Variants in SMYD3 observed in about 807,000 individuals in gnomAD.
SMYD3 encodes the protein SET and MYND domain containing 3, also known as histone-lysine N-methyltransferase SMYD3.
In SMYD3, 36 loss-of-function variants were observed where a neutral mutation model predicts 57.7. The ratio of observed to expected loss-of-function variants is 0.62; its 90% CI spans 0.48 to 0.82. The LOEUF (loss-of-function observed/expected upper bound fraction) is 0.82. SMYD3 is among the 40% of genes least tolerant of loss of function. SMYD3 has a pLI of 0.00. For synonymous variants in SMYD3, 211 were observed against 195.0 expected (o/e 1.08, Z -0.68); for missense variants, 515 against 538.8 (o/e 0.96, Z 0.44).
chr1:246,304,806 C>T (rs2064953027), intron 5 of SMYD3, among the ~76,000 whole-genome samples: 1 of 152,166 alleles, frequency 6.6e-6, no homozygotes, highest in South Asian at 2.1e-4. Context: ...AAATTAATAA[C>T]TTCATATGTA....
rs1321354446 is a variant in SMYD3 at position 246,218,683 on chromosome 1, T to C, written c.531+108518A>G. Reference sequence around the variant, plus strand: ...AAGACTGGCTGACTGCTATGCAAGTTGTTTGTTTACTGTTATTTGTACCTT... The same window carrying C: ...AAGACTGGCTGACTGCTATGCAAGTCGTTTGTTTACTGTTATTTGTACCTT... On this transcript the variant is annotated intron_variant, in intron 5 of 11. Transcript: ENST00000490107. 4.6e-5 allele frequency among the ~76,000 whole-genome samples: 7 copies of C among 152,108 alleles called. No homozygotes were observed. The East Asian group carries it at 1.4e-3, about 29-fold the overall frequency.
intron 5 of SMYD3, among the ~76,000 whole-genome samples, chr1:246,172,320 G>A (rs2062352299): frequency 6.7e-6 from 1 of 148,612 alleles, no homozygotes; most frequent in South Asian, 2.2e-4. Context: ...GGCTACACAG[G>A]CCTAGAACAC....
chr1:246,348,789 TAA>T (rs2065770241), intron 2 of SMYD3, among the ~76,000 whole-genome samples: 2 of 19,918 alleles, frequency 1.0e-4, no homozygotes, highest in East Asian at 2.2e-3. Flanking sequence ...TTTGAAACAA[TAA>T]AAATAAATTT....
intron 5 of SMYD3, chr1:246,108,701 T>C (rs938152600): frequency 5.9e-5 from 9 of 152,248 alleles, no homozygotes; most frequent in African/African-American, 1.9e-4. Context: ...GTAGTTCCTG[T>C]TGTGTACGGG....
At chr1:246,332,520 A>C (rs973856310) in intron 3 of SMYD3, among the ~76,000 whole-genome samples, 2 of 152,250 alleles carry the variant, frequency 1.3e-5, no homozygotes, top group Non-Finnish European at 2.9e-5. Flanking sequence ...TAAAAGCACG[A>C]GGTGGCCAGG....
intron 7 of SMYD3, among the ~76,000 whole-genome samples, chr1:245,922,723 T>C (rs2147810894): frequency 6.6e-6 from 1 of 152,308 alleles, no homozygotes; most frequent in East Asian, 1.9e-4. Context: ...GGCACTGTCC[T>C]AGGTAAATAA....
chr1:245,888,627 T>C (rs2053212983), intron 8 of SMYD3, among the ~76,000 whole-genome samples: 1 of 152,224 alleles, frequency 6.6e-6, no homozygotes. Flanking sequence ...CTAATGTTTC[T>C]TCTAGCTATT....
chr1:245,871,424 G>A lies in SMYD3; in HGVS notation c.814-7538C>T, dbSNP rs879642455. On this transcript the variant is annotated intron_variant, in intron 8 of 11. Coordinates refer to ENST00000490107, the MANE Select transcript of SMYD3 (RefSeq NM_001167740.2). ...GGGAAAAGTGGCTCTTTCATAAAGC[G>A]GAAAAATAGTGGCTAAAAATAGAGC... Among the ~76,000 whole-genome samples the A allele has an allele frequency of 7.2e-5, 11 of 152,266 alleles. No homozygotes were observed. The South Asian group carries it at 1.0e-3, about 14-fold the overall frequency.
At chr1:246,277,270 C>T (rs2064352502) in intron 5 of SMYD3, among the ~76,000 whole-genome samples, 1 of 151,728 alleles carries the variant, frequency 6.6e-6, no homozygotes, top group Non-Finnish European at 1.5e-5. Flanking sequence ...AAACGCTCAA[C>T]ATCATTTATC....
intron 5 of SMYD3, among the ~76,000 whole-genome samples, chr1:245,933,488 T>C (rs534990103): frequency 6.6e-6 from 1 of 152,308 alleles, no homozygotes; most frequent in South Asian, 2.1e-4. Flanking sequence ...ATATATAATA[T>C]TATAGTTTTT....
intron 5 of SMYD3, among the ~76,000 whole-genome samples, chr1:246,285,426 C>G (rs944102967): frequency 6.6e-6 from 1 of 152,038 alleles, no homozygotes; most frequent in African/African-American, 2.4e-5. Flanking sequence ...TACAAACATG[C>G]GAGTGCAAGC....
chr1:246,273,224 A>G lies in SMYD3; in HGVS notation c.531+53977T>C, dbSNP rs557156208. ...GAGTGCAGAGGCACAACCTCGGCTC[A>G]CTACAGCCTCCGCCTCCCGGGTTCA... is the stretch of plus-strand genomic sequence containing the variant. On this transcript the variant is annotated intron_variant, in intron 5 of 11. Transcript: ENST00000490107. Among the ~76,000 whole-genome samples, 91 of 142,292 alleles carry G rather than the reference A, an allele frequency of 6.4e-4. 2 individuals carry two copies. The highest frequency in any genetic ancestry group is 2.3e-3 in the African/African-American group (89 of 38,178). The allele number at this position is 142,292 out of a possible 152,430, so 93.3% of individuals were successfully genotyped here.
Position 246,355,116 on chromosome 1 carries a change from C to T in SMYD3, c.165-22G>A. On this transcript the variant is annotated intron_variant, in intron 1 of 11. Coordinates refer to ENST00000490107, the MANE Select transcript of SMYD3 (RefSeq NM_001167740.2). This position sits in a 1 kb window ranked among gnomAD's most constrained non-coding sequence, Gnocchi z 5.0. Reference sequence around the variant, plus strand: ...CTTCCTGTGGGGAAAAAAATTAATTCTGCATTAAGAAATGAGTGGGAAACA... The same window carrying T: ...CTTCCTGTGGGGAAAAAAATTAATTTTGCATTAAGAAATGAGTGGGAAACA... 1 of 1,612,758 alleles carries T rather than the reference C, an allele frequency of 6.2e-7. No individual in the cohort carries two copies. Among genetic ancestry groups the T allele is most frequent in the Non-Finnish European group, 8.5e-7 (1 of 1,178,864 alleles).
chr1:246,440,584 C>T (rs2340778), intron 1 of SMYD3, among the ~76,000 whole-genome samples: 41,733 of 151,802 alleles, frequency 0.27, 6,575 homozygotes, highest in East Asian at 0.37. Context: ...ACTCTCTCTC[C>T]AAATCTAGAA....
chr1:246,000,837 CAGTG>C (rs947415218), intron 5 of SMYD3, among the ~76,000 whole-genome samples: 49 of 152,322 alleles, frequency 3.2e-4, no homozygotes, highest in African/African-American at 1.2e-3. Flanking sequence ...ACATATCTAT[CAGTG>C]AGTATTTGCT....
intron 5 of SMYD3, among the ~76,000 whole-genome samples, chr1:245,991,049 G>T (rs1300091732): frequency 1.3e-5 from 2 of 152,184 alleles, no homozygotes; most frequent in Non-Finnish European, 2.9e-5. Flanking sequence ...AATTACCAAA[G>T]ATCCAAACAA....
chr1:246,424,301 C>A, intron 1 of SMYD3, among the ~76,000 whole-genome samples: 1 of 151,122 alleles, frequency 6.6e-6, no homozygotes, highest in African/African-American at 2.4e-5. Flanking sequence ...TGTTTTAAAC[C>A]AAAAGCAACA....
intron 5 of SMYD3, among the ~76,000 whole-genome samples, chr1:246,150,121 C>A (rs1305394870): frequency 6.6e-6 from 1 of 152,210 alleles, no homozygotes; most frequent in Non-Finnish European, 1.5e-5. Context: ...ACAAATTTGC[C>A]ACTTTAATGT....
At chr1:246,171,463 T>C (rs1478140873) in intron 5 of SMYD3, among the ~76,000 whole-genome samples, 1 of 152,134 alleles carries the variant, frequency 6.6e-6, no homozygotes, top group Non-Finnish European at 1.5e-5. Context: ...ACTGGAGTCA[T>C]GTCTTCTTAA....
Sources: allele counts gnomAD v4.1 joint callset (sites outside exome capture counted in the v4.1 genomes callset), GRCh38; gene constraint gnomAD v4.1.1; non-coding constraint Gnocchi (gnomAD v3.1); transcripts MANE v1.5; gene names NCBI Gene and HGNC (gene_info 2026-07-23, HGNC 2026-07-21).